Variants in D2HGDH observed in about 807,000 individuals in gnomAD.
D2HGDH encodes the protein D-2-hydroxyglutarate dehydrogenase, mitochondrial.
Under a neutral mutation model 46.9 loss-of-function variants are expected in D2HGDH, and 31 were observed. The ratio of observed to expected loss-of-function variants is 0.66; its 90% CI spans 0.50 to 0.89. D2HGDH has a LOEUF of 0.89. D2HGDH is among the 40% of genes least tolerant of loss of function. The pLI is 0.00. For missense variants in D2HGDH, 698 were observed against 720.8 expected, an observed-to-expected ratio of 0.97 and a Z score of 0.36; for synonymous variants, 364 against 332.6, an observed-to-expected ratio of 1.09 and a Z score of -1.03.
At chr2:241,757,425 GTCA>G (rs1249942872) in intron 9 of D2HGDH, among the ~76,000 whole-genome samples, 4 of 129,066 alleles carry the variant, frequency 3.1e-5, no homozygotes, top group African/African-American at 1.1e-4. Context: ...TGATGAGTGT[GTCA>G]TCATCCAGAG....
At chr2:241,757,959 C>CA (rs534217783) in intron 9 of D2HGDH, among the ~76,000 whole-genome samples, 3,829 of 83,166 alleles carry the variant, frequency 0.046, 83 homozygotes, top group South Asian at 0.057. Flanking sequence ...AACTCCATCT[C>CA]AAAAAAAAAA....
intron 2 of D2HGDH, among the ~76,000 whole-genome samples, chr2:241,736,758 C>T (rs1423046962): frequency 1.3e-5 from 2 of 152,086 alleles, no homozygotes; most frequent in African/African-American, 4.8e-5. Context: ...CGACCTTCCC[C>T]TCCTGGGTGT....
intron 2 of D2HGDH, among the ~76,000 whole-genome samples, chr2:241,736,958 G>A (rs1693040389): frequency 6.6e-6 from 1 of 152,108 alleles, no homozygotes; most frequent in Non-Finnish European, 1.5e-5. Flanking sequence ...ACTGCACTTA[G>A]CTGGACCGTT....
At position 241,743,963 on chromosome 2, in the gene D2HGDH, C is replaced by T. The variant is rs1212067916; in HGVS notation, c.684+148C>T. The T allele has an allele frequency of 1.2e-6, 1 of 834,628 alleles. No homozygotes were observed. Among genetic ancestry groups the T allele is most frequent in the Non-Finnish European group, 1.9e-6 (1 of 538,468 alleles). The allele number at this position is 834,628 out of a possible 1,614,324, so 51.7% of individuals were successfully genotyped here. On this transcript the variant is annotated intron_variant, in intron 5 of 9. Transcript: ENST00000321264. The surrounding 1 kb of genome is among the most constrained non-coding windows in gnomAD (Gnocchi z 4.8). ...CCTGGGCCCCTCAAGGATGTGTGGG[C>T]TACATACACCCCCATCCTGAGGGAG... is the stretch of plus-strand genomic sequence containing the variant.
intron 9 of D2HGDH, among the ~76,000 whole-genome samples, chr2:241,762,613 C>G (rs1444581140): frequency 6.6e-6 from 1 of 152,200 alleles, no homozygotes; most frequent in Non-Finnish European, 1.5e-5. Context: ...GGAACTCAGT[C>G]CAAGCCCCCT....
At chr2:241,753,583 C>T (rs1697641522) in intron 8 of D2HGDH, among the ~76,000 whole-genome samples, 1 of 152,214 alleles carries the variant, frequency 6.6e-6, no homozygotes, top group Non-Finnish European at 1.5e-5. Flanking sequence ...TTGCGCAGGT[C>T]CAGCCGCTGC....
intron 9 of D2HGDH, among the ~76,000 whole-genome samples, chr2:241,762,017 G>T (rs1390066154): frequency 6.6e-6 from 1 of 151,870 alleles, no homozygotes; most frequent in South Asian, 2.1e-4. Flanking sequence ...AGTTCCCTTC[G>T]GGGGAATGGA....
chr2:241,749,491 G>A, intron 6 of D2HGDH: 2 of 871,678 alleles, frequency 2.3e-6, no homozygotes, highest in Non-Finnish European at 1.5e-6. Flanking sequence ...GCACTTGAGG[G>A]TCGGCTTCCC....
rs960513767 is a variant in D2HGDH, at chr2:241,743,160, G to A, written c.491-462G>A. 2.6e-5 allele frequency among the ~76,000 whole-genome samples: 4 copies of A among 152,288 alleles called. No homozygotes were observed. The highest frequency in any genetic ancestry group is 1.3e-4 in the Admixed American group (2 of 15,308). ...CAGGGCGCCAGGGTCCTGCTCTGGA[G>A]CTGGGCCTCTCCCCGCAAGGCCGGG... On this transcript the variant is annotated intron_variant, in intron 4 of 9. Transcript: ENST00000321264. This position sits in a 1 kb window ranked among gnomAD's most constrained non-coding sequence, Gnocchi z 4.8.
chr2:241,744,438 C>G (rs1236941649), intron 5 of D2HGDH, among the ~76,000 whole-genome samples: 1 of 152,256 alleles, frequency 6.6e-6, no homozygotes, highest in Non-Finnish European at 1.5e-5. Flanking sequence ...GCTTTGATGC[C>G]TTATGGCTGG....
chr2:241,753,909 G>C (rs78350525), intron 8 of D2HGDH, among the ~76,000 whole-genome samples: 3 of 152,140 alleles, frequency 2.0e-5, no homozygotes, highest in East Asian at 1.9e-4. Context: ...GCCAGGAAGC[G>C]CCGGGGAGGA....
At chr2:241,735,003 C>T (rs1330164074) in intron 1 of D2HGDH, 130 bp from the exon 2 acceptor site, 3 of 542,638 alleles carry the variant, frequency 5.5e-6, no homozygotes, top group African/African-American at 4.0e-5. Context: ...GGTTGCGGCC[C>T]GGGCAGGGGG....
In D2HGDH at chr2:241,767,734, T is replaced by C. The variant is rs121434360; in HGVS notation, c.1331T>C (p.Val444Ala). Residue 444 changes from valine (V) to alanine (A), a missense_variant, in exon 10 of 10, where the codon GTG becomes GCG. Coordinates refer to ENST00000321264, the MANE Select transcript of D2HGDH (RefSeq NM_152783.5). ...HLGDGNLHLN[V>A]TAEAFSPSLL... ...GGAGATGGTAACCTGCACCTCAATGTGACGGCGGAGGCCTTCAGCCCCTCG... is the reference window on the plus strand; with the variant it reads ...GGAGATGGTAACCTGCACCTCAATGCGACGGCGGAGGCCTTCAGCCCCTCG... The C allele has an allele frequency of 4.3e-6, 7 of 1,612,780 alleles. No individual in the cohort carries two copies. Among genetic ancestry groups the C allele is most frequent in the Non-Finnish European group, 5.9e-6 (7 of 1,179,578 alleles).
At chr2:241,748,287 A>T (rs906206356) in intron 6 of D2HGDH, among the ~76,000 whole-genome samples, 3 of 151,692 alleles carry the variant, frequency 2.0e-5, no homozygotes, top group Admixed American at 1.3e-4. Context: ...CGCCCAGCTA[A>T]TTTTTGTATT....
intron 9 of D2HGDH, among the ~76,000 whole-genome samples, chr2:241,761,048 G>A (rs1228019798): frequency 1.3e-5 from 2 of 152,174 alleles, no homozygotes; most frequent in African/African-American, 4.8e-5. Flanking sequence ...GAGGACTTCA[G>A]GGCCCCGTCA....
intron 2 of D2HGDH, among the ~76,000 whole-genome samples, chr2:241,739,322 GA>G (rs1307148597): frequency 1.7e-4 from 26 of 152,352 alleles, no homozygotes; most frequent in African/African-American, 6.0e-4. Flanking sequence ...TGTCCGAGTC[GA>G]AAGCTTTGCC....
intron 9 of D2HGDH, among the ~76,000 whole-genome samples, chr2:241,760,560 G>A (rs964550979): frequency 2.6e-5 from 4 of 151,452 alleles, no homozygotes; most frequent in Non-Finnish European, 5.9e-5. Flanking sequence ...TTGACACAGC[G>A]TGGGTGGGCC....
intron 9 of D2HGDH, among the ~76,000 whole-genome samples, chr2:241,761,534 G>A (rs754667469): frequency 2.0e-5 from 3 of 152,014 alleles, no homozygotes; most frequent in Non-Finnish European, 2.9e-5. Context: ...GCGAAACTCC[G>A]TCTCAAGAAA....
At chr2:241,758,583 C>G (rs4425108) in intron 9 of D2HGDH, among the ~76,000 whole-genome samples, 83,373 of 151,734 alleles carry the variant, frequency 0.55, 23,050 homozygotes, top group East Asian at 0.66. Context: ...CCCGCCACCT[C>G]ACACACACCA....
Sources: allele counts gnomAD v4.1 joint callset (sites outside exome capture counted in the v4.1 genomes callset), GRCh38; gene constraint gnomAD v4.1.1; non-coding constraint Gnocchi (gnomAD v3.1); transcripts MANE v1.5; gene names NCBI Gene and HGNC (gene_info 2026-07-23, HGNC 2026-07-21).